The following CNTN6 variants were observed in gnomAD, a reference collection of about 807,000 sequenced individuals.
CNTN6 encodes contactin 6, also known as contactin-6.
CNTN6 carries 137 observed loss-of-function variants against 122.8 expected under a neutral mutation model. That is an observed-to-expected ratio of 1.12 (90% CI 0.97 to 1.29). The LOEUF (loss-of-function observed/expected upper bound fraction) is 1.29. Ranked by LOEUF, CNTN6 falls within the 50% of genes most tolerant of loss-of-function variation. The pLI is 0.00. For missense variants in CNTN6, 1,634 were observed against 1,223.4 expected (o/e 1.34, Z -5.01); for synonymous variants, 570 against 426.0 (o/e 1.34, Z -4.16).
intron 1 of CNTN6, among the ~76,000 whole-genome samples, chr3:1,126,266 A>G (rs1458506896): frequency 6.6e-6 from 1 of 151,872 alleles, no homozygotes; most frequent in Non-Finnish European, 1.5e-5. Flanking sequence ...AAAAACATGT[A>G]TATACATGTA....
At chr3:1,300,558 AAAG>A (rs1329781168) in intron 7 of CNTN6, among the ~76,000 whole-genome samples, 812 of 18,068 alleles carry the variant, frequency 0.045, 12 homozygotes, top group South Asian at 0.068. Context: ...AGAGAAAGAA[AAAG>A]AAAGAAAGAA....
chr3:1,362,550 T>A (rs187666546), intron 12 of CNTN6, among the ~76,000 whole-genome samples: 2 of 151,900 alleles, frequency 1.3e-5, no homozygotes, highest in Non-Finnish European at 2.9e-5. Context: ...AGGATAGCTA[T>A]AACAGAAAGA....
intron 1 of CNTN6, among the ~76,000 whole-genome samples, chr3:1,094,101 A>G (rs1049020517): frequency 4.6e-5 from 7 of 152,212 alleles, no homozygotes; most frequent in African/African-American, 1.7e-4. Context: ...TGTTTTCTGA[A>G]GATGTCTGTA....
At chr3:1,160,369 C>T (rs367884305) in intron 2 of CNTN6, among the ~76,000 whole-genome samples, 5,723 of 84,406 alleles carry the variant, frequency 0.068, 167 homozygotes, top group Non-Finnish European at 0.081. Flanking sequence ...TATATATATA[C>T]ACACTACCTA....
At chr3:1,305,193 C>T (rs1227818907) in intron 7 of CNTN6, among the ~76,000 whole-genome samples, 10 of 152,040 alleles carry the variant, frequency 6.6e-5, no homozygotes, top group Non-Finnish European at 1.0e-4. Flanking sequence ...GCTTCTGTCA[C>T]GGATACCATC....
chr3:1,300,466 A>C (rs1201601239), intron 7 of CNTN6, among the ~76,000 whole-genome samples: 2 of 83,076 alleles, frequency 2.4e-5, no homozygotes, highest in African/African-American at 1.1e-4. Context: ...GAAGGAAGGA[A>C]GGAAGGAAGG....
intron 4 of CNTN6, among the ~76,000 whole-genome samples, chr3:1,256,797 C>A (rs1469388285): frequency 6.6e-6 from 1 of 151,966 alleles, no homozygotes; most frequent in Non-Finnish European, 1.5e-5. Context: ...AAATAAATGT[C>A]TCTTATTGGA....
At chr3:1,185,557 T>C (rs1348585828) in intron 2 of CNTN6, among the ~76,000 whole-genome samples, 1 of 152,206 alleles carries the variant, frequency 6.6e-6, no homozygotes, top group Non-Finnish European at 1.5e-5. Flanking sequence ...CTAATCTATG[T>C]GACCTTGGCA....
intron 4 of CNTN6, among the ~76,000 whole-genome samples, chr3:1,252,167 G>A (rs959365578): frequency 6.6e-6 from 1 of 152,004 alleles, no homozygotes; most frequent in Non-Finnish European, 1.5e-5. Context: ...CTTAAACATT[G>A]CCTAGCTTGC....
At chr3:1,223,567 G>A (rs1341825756) in intron 3 of CNTN6, among the ~76,000 whole-genome samples, 1 of 152,182 alleles carries the variant, frequency 6.6e-6, no homozygotes, top group Non-Finnish European at 1.5e-5. Context: ...TGCTTTGGAA[G>A]GATTGCTTAT....
chr3:1,195,951 C>G (rs915198263), intron 2 of CNTN6, among the ~76,000 whole-genome samples: 21 of 151,280 alleles, frequency 1.4e-4, no homozygotes, highest in African/African-American at 3.9e-4. Context: ...TTGCACAAAA[C>G]TCAGCAGCAA....
At chr3:1,104,171 A>T (rs2091100020) in intron 1 of CNTN6, among the ~76,000 whole-genome samples, 1 of 152,008 alleles carries the variant, frequency 6.6e-6, no homozygotes, top group African/African-American at 2.4e-5. Context: ...TACCAGGTGG[A>T]AAGGGGGGCT....
intron 2 of CNTN6, among the ~76,000 whole-genome samples, chr3:1,172,742 C>T (rs930798801): frequency 6.6e-6 from 1 of 152,022 alleles, no homozygotes; most frequent in African/African-American, 2.4e-5. Context: ...ATCACATATT[C>T]TTGAAAGGGC....
chr3:1,126,036 C>T (rs1215319833), intron 1 of CNTN6, among the ~76,000 whole-genome samples: 1 of 151,798 alleles, frequency 6.6e-6, no homozygotes, highest in South Asian at 2.1e-4. Context: ...ACGCTAGAAT[C>T]GTAGGAATTC....
intron 8 of CNTN6, among the ~76,000 whole-genome samples, chr3:1,325,382 C>T (rs911623099): frequency 6.6e-6 from 1 of 151,796 alleles, no homozygotes; most frequent in Non-Finnish European, 1.5e-5. Context: ...GTAATTGTGT[C>T]TGAAACAGAT....
At chr3:1,282,781 T>C (rs992922304) in intron 5 of CNTN6, among the ~76,000 whole-genome samples, 7 of 152,096 alleles carry the variant, frequency 4.6e-5, no homozygotes, top group Admixed American at 1.3e-4. Context: ...CTCCAACAAT[T>C]CCCTCGAGTA....
At chr3:1,224,356 A>G (rs963310830) in intron 3 of CNTN6, among the ~76,000 whole-genome samples, 1 of 152,126 alleles carries the variant, frequency 6.6e-6, no homozygotes, top group African/African-American at 2.4e-5. Flanking sequence ...TCATTTGGAC[A>G]GTAGAGGGAT....
intron 2 of CNTN6, among the ~76,000 whole-genome samples, chr3:1,168,281 A>G (rs1642986034): frequency 2.0e-5 from 3 of 151,118 alleles, no homozygotes; most frequent in Admixed American, 6.6e-5. Context: ...ATATGAATGA[A>G]AGTAATTTAT....
intron 11 of CNTN6, among the ~76,000 whole-genome samples, chr3:1,349,438 G>C (rs1259496967): frequency 1.3e-5 from 2 of 151,494 alleles, no homozygotes; most frequent in South Asian, 4.2e-4. Flanking sequence ...GCAAATGAAG[G>C]TAGAATATTT....
Sources: allele counts gnomAD v4.1 joint callset (sites outside exome capture counted in the v4.1 genomes callset), GRCh38; gene constraint gnomAD v4.1.1; transcripts MANE v1.5; gene names NCBI Gene and HGNC (gene_info 2026-07-23, HGNC 2026-07-21).